The following FBXL7 variants were observed in gnomAD, a reference collection of about 807,000 sequenced individuals.
The protein encoded by FBXL7 is F-box/LRR-repeat protein 7.
In FBXL7, 12 loss-of-function variants were observed where a neutral mutation model predicts 38.3. The observed-to-expected ratio is 0.31, with a 90% CI of 0.20 to 0.51. The LOEUF is 0.51. Ranked by LOEUF, FBXL7 falls within the 20% of genes least tolerant of loss-of-function variation. FBXL7 has a pLI of 0.98. For synonymous variants in FBXL7, 297 were observed against 300.9 expected (o/e 0.99, Z 0.13); for missense variants, 567 against 676.4 (o/e 0.84, Z 1.79).
chr5:15,927,374 A>C (rs1241348477), intron 2 of FBXL7, among the ~76,000 whole-genome samples: 1 of 152,102 alleles, frequency 6.6e-6, no homozygotes, highest in South Asian at 2.1e-4. Context: ...AATGGGCGAC[A>C]CGTGCATGTG....
chr5:15,711,040 A>C (rs1452245582), intron 2 of FBXL7, among the ~76,000 whole-genome samples: 2 of 152,220 alleles, frequency 1.3e-5, no homozygotes, highest in Admixed American at 1.3e-4. Flanking sequence ...GTTCTAAAAA[A>C]ACAGGAGTTT....
At chr5:15,652,816 A>G (rs1741754219) in intron 2 of FBXL7, among the ~76,000 whole-genome samples, 2 of 152,352 alleles carry the variant, frequency 1.3e-5, no homozygotes, top group South Asian at 4.1e-4. Context: ...CTGGTATTTG[A>G]TAGCCCAACA....
intron 2 of FBXL7, among the ~76,000 whole-genome samples, chr5:15,730,354 G>C (rs1459925689): frequency 6.6e-6 from 1 of 151,888 alleles, no homozygotes; most frequent in African/African-American, 2.4e-5. Context: ...ATAATAATTG[G>C]ATTTCTTAAT....
intron 2 of FBXL7, among the ~76,000 whole-genome samples, chr5:15,891,690 T>C (rs1188638415): frequency 6.6e-6 from 1 of 152,190 alleles, no homozygotes; most frequent in African/African-American, 2.4e-5. Flanking sequence ...AAGGCTTCCC[T>C]CTGGAGGTGA....
intron 2 of FBXL7, among the ~76,000 whole-genome samples, chr5:15,827,800 G>A (rs73058228): frequency 1.2e-3 from 184 of 152,302 alleles, no homozygotes; most frequent in African/African-American, 2.9e-3. Flanking sequence ...AGAGGCATGC[G>A]TTGCAGCCAG....
At position 15,936,630 on chromosome 5, in the gene FBXL7, G is replaced by A. The variant is rs765637665; in HGVS notation, c.920G>A (p.Arg307His). The A allele has an allele frequency of 2.5e-6, 4 of 1,609,050 alleles. No homozygotes were observed. The highest frequency in any genetic ancestry group is 1.1e-5 in the South Asian group (1 of 91,052). ...CAGCTCACCCACCTCTACCTGCGCCGCTGCGTCCGCCTGACCGACGAAGGC... is the reference window on the plus strand; with the variant it reads ...CAGCTCACCCACCTCTACCTGCGCCACTGCGTCCGCCTGACCGACGAAGGC... ...CTQLTHLYLR[R>H]CVRLTDEGLR... Residue 307 changes from arginine (R) to histidine (H), a missense_variant, in exon 4 of 4, where the codon CGC (arginine) becomes CAC (histidine). Arg to His is a conservative substitution (Grantham distance 29). Coordinates refer to ENST00000504595, the MANE Select transcript of FBXL7 (RefSeq NM_012304.5). The surrounding 1 kb of genome is among the most constrained non-coding windows in gnomAD (Gnocchi z 6.0).
intron 2 of FBXL7, among the ~76,000 whole-genome samples, chr5:15,699,640 G>A (rs1363941906): frequency 6.6e-6 from 1 of 152,194 alleles, no homozygotes; most frequent in African/African-American, 2.4e-5. Context: ...GCCTAGAACA[G>A]GTTAGGAGTT....
intron 2 of FBXL7, among the ~76,000 whole-genome samples, chr5:15,885,230 C>A (rs1483610322): frequency 6.6e-6 from 1 of 152,180 alleles, no homozygotes; most frequent in Non-Finnish European, 1.5e-5. Flanking sequence ...CAGAGGCCTT[C>A]CCTGGTTTTT....
intron 2 of FBXL7, among the ~76,000 whole-genome samples, chr5:15,902,726 T>C (rs1359433444): frequency 6.6e-6 from 1 of 152,248 alleles, no homozygotes; most frequent in Non-Finnish European, 1.5e-5. Context: ...GTAGAGTTGG[T>C]TCAGCAAGTC....
At chr5:15,871,499 T>C (rs1334413843) in intron 2 of FBXL7, among the ~76,000 whole-genome samples, 1 of 152,024 alleles carries the variant, frequency 6.6e-6, no homozygotes, top group Non-Finnish European at 1.5e-5. Context: ...AATAACAAAC[T>C]CCTCTGAGCT....
At chr5:15,501,698 G>A (rs1736490657) in intron 1 of FBXL7, 2 of 985,304 alleles carry the variant, frequency 2.0e-6, no homozygotes, top group East Asian at 1.1e-4. Flanking sequence ...CATCCTGTTC[G>A]AAACTTTGAG....
At chr5:15,751,700 G>A (rs895581730) in intron 2 of FBXL7, among the ~76,000 whole-genome samples, 13 of 152,134 alleles carry the variant, frequency 8.5e-5, no homozygotes, top group Admixed American at 3.3e-4. Flanking sequence ...AATAATATAT[G>A]TCAAAGGGAG....
intron 1 of FBXL7, among the ~76,000 whole-genome samples, chr5:15,514,845 C>T (rs1472724903): frequency 6.6e-6 from 1 of 152,162 alleles, no homozygotes; most frequent in East Asian, 1.9e-4. Context: ...CGGGGAGCCA[C>T]ATGCAGTGAC....
At chr5:15,619,657 A>G (rs1468131971) in intron 2 of FBXL7, among the ~76,000 whole-genome samples, 1 of 152,180 alleles carries the variant, frequency 6.6e-6, no homozygotes, top group Non-Finnish European at 1.5e-5. Context: ...CACAGGCAAG[A>G]TTCTTAGTTT....
intron 2 of FBXL7, among the ~76,000 whole-genome samples, chr5:15,679,558 GT>G (rs34375125): frequency 2.1e-3 from 268 of 125,110 alleles, no homozygotes; most frequent in East Asian, 7.5e-3. Context: ...ATGCTTCATT[GT>G]TTTTTTTTTT....
At chr5:15,633,546 A>G (rs1339068456) in intron 2 of FBXL7, among the ~76,000 whole-genome samples, 1 of 151,550 alleles carries the variant, frequency 6.6e-6, no homozygotes, top group Admixed American at 6.6e-5. Context: ...TTTCTGTTTT[A>G]TATACATTTC....
chr5:15,871,687 G>A (rs1445515445), intron 2 of FBXL7, among the ~76,000 whole-genome samples: 1 of 152,028 alleles, frequency 6.6e-6, no homozygotes, highest in Non-Finnish European at 1.5e-5. Context: ...TTGATCAAGT[G>A]GAAGAAAGGA....
At chr5:15,659,219 A>G (rs970320393) in intron 2 of FBXL7, among the ~76,000 whole-genome samples, 3 of 152,242 alleles carry the variant, frequency 2.0e-5, no homozygotes, top group African/African-American at 7.2e-5. Flanking sequence ...CCAAATAACA[A>G]ACAGTGAAAA....
At chr5:15,684,023 CATTG>C (rs1218617072) in intron 2 of FBXL7, among the ~76,000 whole-genome samples, 5 of 152,140 alleles carry the variant, frequency 3.3e-5, no homozygotes, top group African/African-American at 1.2e-4. Context: ...AATTTTCCCA[CATTG>C]ATTGAGATGA....
Sources: allele counts gnomAD v4.1 joint callset (sites outside exome capture counted in the v4.1 genomes callset), GRCh38; gene constraint gnomAD v4.1.1; non-coding constraint Gnocchi (gnomAD v3.1); transcripts MANE v1.5; gene names NCBI Gene and HGNC (gene_info 2026-07-23, HGNC 2026-07-21).